The following PACS1 variants were observed in gnomAD, a reference collection of about 807,000 sequenced individuals.
PACS1 encodes the protein PACS-1.
A neutral mutation model predicts 115.0 loss-of-function variants in PACS1; 24 were observed. The ratio of observed to expected loss-of-function variants is 0.21; its 90% CI spans 0.15 to 0.29. The LOEUF (loss-of-function observed/expected upper bound fraction) is 0.29. Among genes scored for constraint, PACS1 ranks in the 10% least tolerant of loss-of-function variants. PACS1 has a pLI of 1.00. For synonymous variants in PACS1, 453 were observed against 504.5 expected, an observed-to-expected ratio of 0.90 and a Z score of 1.37; for missense variants, 838 against 1,251.2, an observed-to-expected ratio of 0.67 and a Z score of 4.98.
chr11:66,230,375 C>G (rs1426000901), intron 11 of PACS1, 173 bp from the exon 12 acceptor site: 3 of 608,804 alleles, frequency 4.9e-6, no homozygotes, highest in Non-Finnish European at 8.9e-6. Flanking sequence ...CACCCGTGAA[C>G]AGTGGCGATT....
chr11:66,236,483 TTTC>T lies in PACS1; in HGVS notation c.2250+549_2250+551del, dbSNP rs1212224762. On this transcript the variant is annotated intron_variant, in intron 19 of 23. Transcript: ENST00000320580. The surrounding 1 kb of genome is among the most constrained non-coding windows in gnomAD (Gnocchi z 4.2). ...TTGGATAGGCCACTGAGAGGAAGGC[TTTC>T]TTCTTTCCTTTTCTATTTAACCAAG... Among the ~76,000 whole-genome samples, 2 of 152,238 alleles carry T rather than the reference TTTC, an allele frequency of 1.3e-5. No homozygotes were observed. The highest frequency in any genetic ancestry group is 4.8e-5 in the African/African-American group (2 of 41,466).
At position 66,230,859 on chromosome 11, in the gene PACS1, G is replaced by A; in HGVS notation, c.1545G>A (p.Glu515=). 1 of 1,614,130 alleles carries A rather than the reference G, an allele frequency of 6.2e-7. No individual in the cohort carries two copies. The highest frequency in any genetic ancestry group is 8.5e-7 in the Non-Finnish European group (1 of 1,179,962). The change falls in exon 13 of 24, where the codon GAG becomes GAA. Residue 515 remains glutamate (E), a synonymous_variant. Coordinates refer to ENST00000320580, the MANE Select transcript of PACS1 (RefSeq NM_018026.4). ...PRQKRSTPLK[E]RQLSKPLSER... ...AGAAGAGGAGCACGCCCCTGAAGGA[G>A]CGGCAGCTCTCCAAGCCCCTAAGTG...
At chr11:66,075,738 CTTTTTTTTTT>C (rs756089252) in intron 1 of PACS1, among the ~76,000 whole-genome samples, 2 of 134,128 alleles carry the variant, frequency 1.5e-5, no homozygotes, top group East Asian at 2.1e-4. Context: ...ATTAAAAGTC[CTTTTTTTTTT>C]TTTTTTTTTG....
At chr11:66,189,911 C>T (rs1854478336) in intron 1 of PACS1, among the ~76,000 whole-genome samples, 1 of 152,208 alleles carries the variant, frequency 6.6e-6, no homozygotes, top group Non-Finnish European at 1.5e-5. Context: ...GGCATTGCTC[C>T]AGAAATGGAA....
At chr11:66,109,730 T>A (rs570065392) in intron 1 of PACS1, among the ~76,000 whole-genome samples, 137 of 152,370 alleles carry the variant, frequency 9.0e-4, no homozygotes, top group African/African-American at 3.1e-3. Context: ...TTGATTTGTT[T>A]CTGATTTCTT....
chr11:66,172,098 A>C (rs1440467578), intron 1 of PACS1, among the ~76,000 whole-genome samples: 1 of 152,180 alleles, frequency 6.6e-6, no homozygotes, highest in East Asian at 1.9e-4. Context: ...AGACATTGCC[A>C]TTCTTGTTTT....
Position 66,087,898 on chromosome 11 carries a change from T to C in PACS1, c.356+17056T>C, listed in dbSNP as rs139265400. Among the ~76,000 whole-genome samples, 940 of 152,214 alleles carry C rather than the reference T, an allele frequency of 6.2e-3. 5 individuals carry two copies. Among genetic ancestry groups the C allele is most frequent in the Middle Eastern group, 0.01 (3 of 294 alleles). On this transcript the variant is annotated intron_variant, in intron 1 of 23. Transcript: ENST00000320580. ...CTGCACATCTCCACCAACAATTGTT[T>C]TTTGGTTTTTTTTTGCCTTTTTCAA... is the stretch of plus-strand genomic sequence containing the variant.
chr11:66,240,076 G>C (rs1401733362), intron 21 of PACS1, among the ~76,000 whole-genome samples: 2 of 152,202 alleles, frequency 1.3e-5, no homozygotes, highest in Non-Finnish European at 2.9e-5. Flanking sequence ...CCTCTCTAAA[G>C]GAAACAATCC....
chr11:66,143,043 A>G (rs1316342196), intron 1 of PACS1, among the ~76,000 whole-genome samples: 1 of 152,028 alleles, frequency 6.6e-6, no homozygotes, highest in Non-Finnish European at 1.5e-5. Context: ...ACAGTGAAAG[A>G]GGCTATTTTT....
At chr11:66,157,110 G>A (rs1859380128) in intron 1 of PACS1, among the ~76,000 whole-genome samples, 1 of 151,976 alleles carries the variant, frequency 6.6e-6, no homozygotes, top group African/African-American at 2.4e-5. Context: ...TGTGACCAAT[G>A]ACAAATGAAC....
chr11:66,243,372 C>A lies in PACS1; in HGVS notation c.*92C>A. The A allele has an allele frequency of 1.2e-6, 1 of 828,564 alleles. No individual in the cohort carries two copies. The highest frequency in any genetic ancestry group is 1.9e-6 in the Non-Finnish European group (1 of 517,192). The allele number at this position is 828,564 out of a possible 1,614,324, so 51.3% of individuals were successfully genotyped here. ...AGGCCAGCAGGCCCGGGCCCAGCACCCCTTCCCTGGCACCAGGGTCTGCCT... is the reference window on the plus strand; with the variant it reads ...AGGCCAGCAGGCCCGGGCCCAGCACACCTTCCCTGGCACCAGGGTCTGCCT... On this transcript the variant is annotated 3_prime_UTR_variant, in exon 24 of 24. Coordinates refer to ENST00000320580, the MANE Select transcript of PACS1 (RefSeq NM_018026.4).
chr11:66,198,857 AT>A (rs1854707058), intron 2 of PACS1, among the ~76,000 whole-genome samples: 1 of 152,230 alleles, frequency 6.6e-6, no homozygotes, highest in Non-Finnish European at 1.5e-5. Context: ...AAAACTTTGT[AT>A]GTAAACACAT....
At chr11:66,075,012 G>T (rs1303270191) in intron 1 of PACS1, among the ~76,000 whole-genome samples, 1 of 128,328 alleles carries the variant, frequency 7.8e-6, no homozygotes, top group East Asian at 2.4e-4. Flanking sequence ...GTGCAATCTC[G>T]GCTCACTGCA....
intron 1 of PACS1, among the ~76,000 whole-genome samples, chr11:66,110,317 A>G (rs907986280): frequency 2.6e-5 from 4 of 152,126 alleles, no homozygotes; most frequent in African/African-American, 7.2e-5. Flanking sequence ...TTTTATACAT[A>G]TATAGACAAG....
chr11:66,180,610 C>T (rs1275134393), intron 1 of PACS1, among the ~76,000 whole-genome samples: 1 of 152,172 alleles, frequency 6.6e-6, no homozygotes, highest in East Asian at 1.9e-4. Context: ...ACCTCAGCCT[C>T]CCAAAGTGCT....
At chr11:66,176,887 A>T (rs1859877569) in intron 1 of PACS1, among the ~76,000 whole-genome samples, 1 of 152,172 alleles carries the variant, frequency 6.6e-6, no homozygotes, top group African/African-American at 2.4e-5. Flanking sequence ...AAGACGTCAG[A>T]CACTCCTTTG....
Position 66,220,718 on chromosome 11 carries a change from T to C in PACS1, c.1126T>C (p.Tyr376His). The C allele has an allele frequency of 6.2e-7, 1 of 1,614,090 alleles. No homozygotes were observed. The highest frequency in any genetic ancestry group is 8.5e-7 in the Non-Finnish European group (1 of 1,179,990). Residue 376 changes from tyrosine to histidine, a missense_variant, in exon 9 of 24, where the codon TAC (tyrosine) becomes CAC (histidine). By Grantham distance (83) the Tyr-to-His change is moderately conservative (BLOSUM62 2). Coordinates refer to ENST00000320580, the MANE Select transcript of PACS1 (RefSeq NM_018026.4). ...TGAATTGTATGACAGTCTGGAGATGTACAACCCCAGCGACAGTGGCCCTGA... is the reference window on the plus strand; with the variant it reads ...TGAATTGTATGACAGTCTGGAGATGCACAACCCCAGCGACAGTGGCCCTGA... ...LDELYDSLEM[Y>H]NPSDSGPEME...
chr11:66,191,851 G>A (rs1281240937), intron 1 of PACS1, among the ~76,000 whole-genome samples: 12 of 151,960 alleles, frequency 7.9e-5, no homozygotes, highest in South Asian at 2.1e-4. Flanking sequence ...TGGTGAAACC[G>A]GTCTCTACTA....
intron 2 of PACS1, among the ~76,000 whole-genome samples, chr11:66,203,891 T>A (rs1854874298): frequency 6.6e-6 from 1 of 152,074 alleles, no homozygotes. Context: ...TACCTGAAAC[T>A]ATGACACTAC....
Sources: allele counts gnomAD v4.1 joint callset (sites outside exome capture counted in the v4.1 genomes callset), GRCh38; gene constraint gnomAD v4.1.1; non-coding constraint Gnocchi (gnomAD v3.1); transcripts MANE v1.5; gene names NCBI Gene and HGNC (gene_info 2026-07-23, HGNC 2026-07-21).